Variants in GPC5 observed in about 807,000 individuals in gnomAD.
The protein encoded by GPC5 is glypican-5.
A neutral mutation model predicts 53.9 loss-of-function variants in GPC5; 47 were observed. The ratio of observed to expected loss-of-function variants is 0.87; its 90% CI spans 0.69 to 1.11. The LOEUF (loss-of-function observed/expected upper bound fraction) is 1.11. Among genes scored for constraint, GPC5 ranks in the 50% most tolerant of loss-of-function variants. The pLI, the probability that GPC5 is intolerant of heterozygous loss-of-function variation, is 0.00. For missense variants in GPC5, 748 were observed against 713.1 expected (o/e 1.05, Z -0.56); for synonymous variants, 286 against 263.3 (o/e 1.09, Z -0.84).
intron 2 of GPC5, among the ~76,000 whole-genome samples, chr13:91,609,869 AT>A (rs1209397868): frequency 1.2e-4 from 19 of 152,302 alleles, no homozygotes; most frequent in African/African-American, 4.3e-4. Context: ...AGGATGTTAC[AT>A]TATCAGTACA....
At position 91,436,182 on chromosome 13, in the gene GPC5, T is replaced by C. The variant is rs570533339; in HGVS notation, c.164-12579T>C. 2.9e-3 allele frequency among the ~76,000 whole-genome samples: 441 copies of C among 152,150 alleles called. 15 individuals are homozygous for C. In the South Asian group the frequency reaches 0.076, roughly 26 times the overall value. On this transcript the variant is annotated intron_variant, in intron 1 of 7. Coordinates refer to ENST00000377067, the MANE Select transcript of GPC5 (RefSeq NM_004466.6). ...TTTGAAGGGTTTTTTGTGTCTCTAT[T>C]TCCTTCAGTTCTGCTCTGATCTTAG...
At chr13:92,639,028 A>AG (rs1302705205) in intron 7 of GPC5, among the ~76,000 whole-genome samples, 4 of 152,172 alleles carry the variant, frequency 2.6e-5, no homozygotes, top group African/African-American at 2.4e-5. Context: ...CATAATATTG[A>AG]GGGGGGCATG....
chr13:92,767,822 G>A (rs1875464043), intron 7 of GPC5, among the ~76,000 whole-genome samples: 1 of 152,152 alleles, frequency 6.6e-6, no homozygotes, highest in Non-Finnish European at 1.5e-5. Context: ...TGTCACAAGA[G>A]AGAACATTTC....
intron 7 of GPC5, among the ~76,000 whole-genome samples, chr13:92,584,511 T>G (rs1883472722): frequency 6.6e-6 from 1 of 152,158 alleles, no homozygotes; most frequent in Non-Finnish European, 1.5e-5. Flanking sequence ...TTAAAGGCAC[T>G]CAGTTTTATA....
At chr13:92,034,841 G>A (rs566921964) in intron 6 of GPC5, among the ~76,000 whole-genome samples, 5 of 152,076 alleles carry the variant, frequency 3.3e-5, no homozygotes, top group Admixed American at 1.3e-4. Flanking sequence ...ATTTGCTTTG[G>A]CATCTGTGTA....
intron 7 of GPC5, among the ~76,000 whole-genome samples, chr13:92,290,345 A>T (rs953819313): frequency 1.3e-5 from 2 of 152,088 alleles, no homozygotes; most frequent in Admixed American, 6.5e-5. Context: ...TTATTTATTT[A>T]ATTTCCATAG....
chr13:92,711,551 G>A (rs909101961), intron 7 of GPC5, among the ~76,000 whole-genome samples: 3 of 152,014 alleles, frequency 2.0e-5, no homozygotes, highest in Admixed American at 6.6e-5. Flanking sequence ...CAACTAGAAA[G>A]AAAATCAAGG....
At chr13:91,579,065 A>G (rs1000110244) in intron 2 of GPC5, among the ~76,000 whole-genome samples, 1 of 152,198 alleles carries the variant, frequency 6.6e-6, no homozygotes, top group African/African-American at 2.4e-5. Context: ...AAACAAATTA[A>G]TAAATTTTAA....
At chr13:91,929,682 C>T (rs139218218) in intron 6 of GPC5, among the ~76,000 whole-genome samples, 6 of 152,180 alleles carry the variant, frequency 3.9e-5, no homozygotes, top group African/African-American at 1.4e-4. Context: ...AATGGGTTGC[C>T]TAGAAGCTGT....
At chr13:92,046,721 G>C (rs1205483388) in intron 6 of GPC5, among the ~76,000 whole-genome samples, 1 of 152,124 alleles carries the variant, frequency 6.6e-6, no homozygotes, top group Non-Finnish European at 1.5e-5. Context: ...TGCTTCTCAA[G>C]TATTTGTAAA....
intron 6 of GPC5, among the ~76,000 whole-genome samples, chr13:91,913,934 C>T (rs1303540039): frequency 2.6e-5 from 4 of 152,226 alleles, no homozygotes; most frequent in Admixed American, 1.3e-4. Context: ...TTGCGTCAGA[C>T]TCAATTGCCC....
rs2042102978 is a variant in GPC5, at chr13:92,175,470, G to T, written c.1561+30481G>T. ...GAAGAACATTTGAATAGGAGGTTAT[G>T]ATGACATCACTGTGATGCCTACTGC... On this transcript the variant is annotated intron_variant, in intron 7 of 7. Transcript: ENST00000377067. Among the ~76,000 whole-genome samples, 3 of 152,178 alleles carry T rather than the reference G, an allele frequency of 2.0e-5. No homozygotes were observed. The South Asian group carries it at 6.2e-4, about 32-fold the overall frequency.
At position 92,546,115 on chromosome 13, in the gene GPC5, GCT is replaced by G. The variant is rs577919659; in HGVS notation, c.1562-320159_1562-320158del. Reference sequence around the variant, plus strand: ...TGGAAAACTGGCACAAGACAGGGATGCTCTCTCTCACCACTCCTATTCAACAT... The same window carrying G: ...TGGAAAACTGGCACAAGACAGGGATGCTCTCTCACCACTCCTATTCAACAT... On this transcript the variant is annotated intron_variant, in intron 7 of 7. Transcript: ENST00000377067. 2.8e-3 allele frequency among the ~76,000 whole-genome samples: 421 copies of G among 152,200 alleles called. 4 individuals carry two copies. The highest frequency in any genetic ancestry group is 4.8e-3 in the Non-Finnish European group (327 of 68,008).
chr13:91,669,621 T>A (rs1252562837), intron 2 of GPC5, among the ~76,000 whole-genome samples: 2 of 152,110 alleles, frequency 1.3e-5, no homozygotes, highest in African/African-American at 2.4e-5. Context: ...AGGGTAGAAC[T>A]TAGGAAAGAG....
At chr13:92,559,431 A>G (rs1882621057) in intron 7 of GPC5, among the ~76,000 whole-genome samples, 1 of 150,896 alleles carries the variant, frequency 6.6e-6, no homozygotes, top group African/African-American at 2.4e-5. Flanking sequence ...CGTCTTAAAA[A>G]TCCTTTCTAA....
At chr13:92,114,645 G>A (rs974681027) in intron 6 of GPC5, among the ~76,000 whole-genome samples, 11 of 152,064 alleles carry the variant, frequency 7.2e-5, no homozygotes, top group Admixed American at 1.3e-4. Context: ...TCCTCCCTCC[G>A]TTTCTGTCCC....
intron 6 of GPC5, among the ~76,000 whole-genome samples, chr13:92,021,549 T>TA: frequency 6.6e-6 from 1 of 152,342 alleles, no homozygotes; most frequent in Middle Eastern, 3.4e-3. Context: ...AGATTTGCTG[T>TA]ATAACATTGC....
At chr13:92,386,373 C>T (rs1874727027) in intron 7 of GPC5, among the ~76,000 whole-genome samples, 1 of 152,008 alleles carries the variant, frequency 6.6e-6, no homozygotes, top group South Asian at 2.1e-4. Context: ...GATAATAATA[C>T]TTGCCTATGA....
chr13:91,799,270 A>G (rs1929924), intron 5 of GPC5, among the ~76,000 whole-genome samples: 54,663 of 151,992 alleles, frequency 0.36, 11,142 homozygotes, highest in African/African-American at 0.56. Flanking sequence ...TTATAAATGG[A>G]AGCTAAACAT....
Sources: allele counts gnomAD v4.1 joint callset (sites outside exome capture counted in the v4.1 genomes callset), GRCh38; gene constraint gnomAD v4.1.1; transcripts MANE v1.5; gene names NCBI Gene and HGNC (gene_info 2026-07-23, HGNC 2026-07-21).